The following ANO2 variants were observed in gnomAD, a reference collection of about 807,000 sequenced individuals.
ANO2 encodes the protein anoctamin-2.
A neutral mutation model predicts 124.2 loss-of-function variants in ANO2; 101 were observed. The ratio of observed to expected loss-of-function variants is 0.81; its 90% confidence interval spans 0.69 to 0.96. The LOEUF is 0.96. ANO2 is among the 40% of genes least tolerant of loss of function. ANO2 has a pLI of 0.00. For missense variants in ANO2, 1,293 were observed against 1,274.5 expected, an observed-to-expected ratio of 1.01 and a Z score of -0.22; for synonymous variants, 486 against 482.5, an observed-to-expected ratio of 1.01 and a Z score of -0.09.
At chr12:5,899,528 AACAATTGCTACTTC>A (rs1940032689) in intron 3 of ANO2, among the ~76,000 whole-genome samples, 1 of 152,208 alleles carries the variant, frequency 6.6e-6, no homozygotes, top group African/African-American at 2.4e-5. Context: ...ATAATCTAAC[AACAATTGCTACTTC>A]ACAACAATTT....
chr12:5,853,248 C>T (rs1261599378), intron 4 of ANO2, among the ~76,000 whole-genome samples: 1 of 149,194 alleles, frequency 6.7e-6, no homozygotes, highest in Admixed American at 6.7e-5. Context: ...GAGATCCTTC[C>T]ACTTCTCCCC....
At chr12:5,863,172 T>TTA (rs1955324950) in intron 3 of ANO2, among the ~76,000 whole-genome samples, 1 of 152,130 alleles carries the variant, frequency 6.6e-6, no homozygotes. Context: ...TTTAGCAGCG[T>TTA]GAGAACAGAC....
At chr12:5,675,285 G>A (rs1014272943) in intron 14 of ANO2, among the ~76,000 whole-genome samples, 2 of 152,156 alleles carry the variant, frequency 1.3e-5, no homozygotes, top group African/African-American at 4.8e-5. Context: ...GCCAGCTGCA[G>A]CTCATCATAC....
intron 4 of ANO2, chr12:5,839,639 G>A (rs1484327280): frequency 2.2e-6 from 1 of 455,880 alleles, no homozygotes; most frequent in Admixed American, 2.3e-5. Flanking sequence ...GGTTGATTGT[G>A]GTAAGCCCTG....
chr12:5,855,827 G>A lies in ANO2; in HGVS notation c.535-1686C>T, dbSNP rs150211985. On this transcript the variant is annotated intron_variant, in intron 3 of 24. Coordinates refer to ENST00000682330, the MANE Select transcript of ANO2 (RefSeq NM_001364791.2). ...GTTCAGACATGACATGGTCACTCAG[G>A]ATAATTAAGAAACACACCCAAGGAC... is the stretch of plus-strand genomic sequence containing the variant. Among the ~76,000 whole-genome samples the A allele has an allele frequency of 4.0e-3, 602 of 152,310 alleles. 5 individuals carry two copies. Among genetic ancestry groups the A allele is most frequent in the African/African-American group, 0.014 (571 of 41,568 alleles).
chr12:5,863,120 CCT>C (rs1440321390), intron 3 of ANO2, among the ~76,000 whole-genome samples: 2 of 152,136 alleles, frequency 1.3e-5, no homozygotes, highest in Non-Finnish European at 2.9e-5. Flanking sequence ...GTCCATTAAA[CCT>C]CTTTTTCTTT....
intron 10 of ANO2, among the ~76,000 whole-genome samples, chr12:5,791,319 T>C (rs765939463): frequency 9.2e-5 from 14 of 151,480 alleles, no homozygotes; most frequent in African/African-American, 3.2e-4. Context: ...TCATAAAAAA[T>C]AGAAATGAAA....
intron 16 of ANO2, among the ~76,000 whole-genome samples, chr12:5,619,425 A>G (rs1944999040): frequency 6.6e-6 from 1 of 152,238 alleles, no homozygotes; most frequent in Non-Finnish European, 1.5e-5. Flanking sequence ...GAGCAGACCC[A>G]CAAGAGTCCT....
intron 20 of ANO2, among the ~76,000 whole-genome samples, chr12:5,579,784 C>T (rs1392492223): frequency 6.6e-6 from 1 of 152,184 alleles, no homozygotes; most frequent in Non-Finnish European, 1.5e-5. Context: ...GACCATGGTC[C>T]TGCCTTCTCA....
chr12:5,740,247 G>T (rs533105142), intron 12 of ANO2: 1 of 277,242 alleles, frequency 3.6e-6, no homozygotes, highest in South Asian at 3.7e-5. Context: ...AGAGGAGCAG[G>T]GATGGGAGAG....
At chr12:5,724,097 G>A (rs1950340870) in intron 14 of ANO2, among the ~76,000 whole-genome samples, 1 of 152,006 alleles carries the variant, frequency 6.6e-6, no homozygotes, top group African/African-American at 2.4e-5. Flanking sequence ...TCCATGAAAT[G>A]CCCATATAAT....
chr12:5,656,101 G>A (rs1947138752), intron 14 of ANO2, among the ~76,000 whole-genome samples: 1 of 152,174 alleles, frequency 6.6e-6, no homozygotes, highest in African/African-American at 2.4e-5. Context: ...GAAGGTGAGG[G>A]GAGAGCAGCT....
intron 3 of ANO2, among the ~76,000 whole-genome samples, chr12:5,872,949 G>C (rs1937803295): frequency 6.6e-6 from 1 of 152,128 alleles, no homozygotes; most frequent in African/African-American, 2.4e-5. Flanking sequence ...CTGCTCCCTG[G>C]TGTACATGTG....
In ANO2 at chr12:5,908,097, C is replaced by G. The variant is rs764597803; in HGVS notation, c.534+12943G>C. On this transcript the variant is annotated intron_variant, in intron 3 of 24. Coordinates refer to ENST00000682330, the MANE Select transcript of ANO2 (RefSeq NM_001364791.2). The surrounding 1 kb of genome is among the most constrained non-coding windows in gnomAD (Gnocchi z 4.7). ...GGAGCCAGCAGCAAACCCACACCAG[C>G]TCCGAGGACCCTGGGGCTTCCACTC... 5.3e-5 allele frequency among the ~76,000 whole-genome samples: 8 copies of G among 152,254 alleles called. No homozygotes were observed. The highest frequency in any genetic ancestry group is 1.2e-4 in the Non-Finnish European group (8 of 68,048).
intron 14 of ANO2, among the ~76,000 whole-genome samples, chr12:5,722,893 G>T (rs1950288308): frequency 6.6e-6 from 1 of 152,216 alleles, no homozygotes; most frequent in Admixed American, 6.5e-5. Flanking sequence ...TAGGTCCAGG[G>T]AGGCGTTTGT....
Position 5,769,315 on chromosome 12 carries a change from G to A in ANO2, c.1056-18345C>T, listed in dbSNP as rs564081862. On this transcript the variant is annotated intron_variant, in intron 10 of 24. Transcript: ENST00000682330. This position sits in a 1 kb window ranked among gnomAD's most constrained non-coding sequence, Gnocchi z 4.0. The stretch of plus-strand genomic sequence containing the variant: ...AGGAACCAGGACTGGCTGGCCTGGC[G>A]TGGCCTGTCACTGGCTCTGCAAGCA... Among the ~76,000 whole-genome samples, 28 of 152,202 alleles carry A rather than the reference G, an allele frequency of 1.8e-4. No individual in the cohort carries two copies. The highest frequency in any genetic ancestry group is 2.9e-4 in the Non-Finnish European group (20 of 68,008).
At chr12:5,909,510 C>T (rs753633868) in intron 3 of ANO2, among the ~76,000 whole-genome samples, 2 of 152,186 alleles carry the variant, frequency 1.3e-5, no homozygotes, top group African/African-American at 2.4e-5. Flanking sequence ...GAATAGAAGT[C>T]GAGATCCAGA....
chr12:5,771,160 G>C (rs1952067689), intron 10 of ANO2, among the ~76,000 whole-genome samples: 1 of 152,214 alleles, frequency 6.6e-6, no homozygotes, highest in South Asian at 2.1e-4. Context: ...TGTGCTTGGT[G>C]CATAGCAGTG....
intron 10 of ANO2, among the ~76,000 whole-genome samples, chr12:5,796,125 T>TCACA (rs968819253): frequency 4.0e-5 from 6 of 151,884 alleles, no homozygotes; most frequent in South Asian, 2.1e-4. Flanking sequence ...CAGAGAGCTC[T>TCACA]CACACACACA....
Sources: allele counts gnomAD v4.1 joint callset (sites outside exome capture counted in the v4.1 genomes callset), GRCh38; gene constraint gnomAD v4.1.1; non-coding constraint Gnocchi (gnomAD v3.1); transcripts MANE v1.5; gene names NCBI Gene and HGNC (gene_info 2026-07-23, HGNC 2026-07-21).